MYO1D: variants seen among roughly 807,000 people sequenced by gnomAD.
The protein encoded by MYO1D is myosin ID.
MYO1D carries 83 observed loss-of-function variants against 122.0 expected under a neutral mutation model. The ratio of observed to expected loss-of-function variants is 0.68; its 90% CI spans 0.57 to 0.82. The LOEUF is 0.82. Among genes scored for constraint, MYO1D ranks in the 40% least tolerant of loss-of-function variants. The pLI, the probability that MYO1D is intolerant of heterozygous loss-of-function variation, is 0.00. For synonymous variants in MYO1D, 464 were observed against 446.9 expected (o/e 1.04, Z -0.48); for missense variants, 1,157 against 1,269.5 (o/e 0.91, Z 1.35).
At chr17:32,790,362 T>G (rs143382910) in intron 1 of MYO1D, among the ~76,000 whole-genome samples, 1 of 152,276 alleles carries the variant, frequency 6.6e-6, no homozygotes, top group East Asian at 1.9e-4. Context: ...TCATCTAAAT[T>G]CCCCTATCCC....
At position 32,618,621 on chromosome 17, in the gene MYO1D, T is replaced by A. The variant is rs951444597; in HGVS notation, c.2710-13380A>T. 1.2e-4 allele frequency among the ~76,000 whole-genome samples: 17 copies of A among 144,040 alleles called. No individual in the cohort carries two copies. The East Asian group carries it at 3.2e-3, about 27-fold the overall frequency. 94.5% of individuals were successfully genotyped at this position (144,040 alleles called of 152,430 possible). Reference sequence around the variant, plus strand: ...GCTGGGCCTCCCATAGCTGCCTCTGTTAATTAATTAATTAATTCTTTTTTT... The same window carrying A: ...GCTGGGCCTCCCATAGCTGCCTCTGATAATTAATTAATTAATTCTTTTTTT... On this transcript the variant is annotated intron_variant, in intron 20 of 21. Coordinates refer to ENST00000318217, the MANE Select transcript of MYO1D (RefSeq NM_015194.3).
At chr17:32,667,905 C>T (rs555559437) in intron 16 of MYO1D, among the ~76,000 whole-genome samples, 18 of 152,296 alleles carry the variant, frequency 1.2e-4, no homozygotes, top group African/African-American at 4.1e-4. Flanking sequence ...ACTGTAACTT[C>T]AAGAAGTAAT....
chr17:32,703,242 A>G (rs2089269099), intron 16 of MYO1D, among the ~76,000 whole-genome samples: 1 of 152,152 alleles, frequency 6.6e-6, no homozygotes, highest in South Asian at 2.1e-4. Context: ...TGCCCTTTAA[A>G]AAAGGCCAAA....
rs184218824 is a variant in MYO1D, at chr17:32,875,451, G to A, written c.95+1327C>T. ...AGGACAACCCCAATCCTACAGACGGGAAGACTGAGGCACAGAGAGGTTAAG... is the reference window on the plus strand; with the variant it reads ...AGGACAACCCCAATCCTACAGACGGAAAGACTGAGGCACAGAGAGGTTAAG... On this transcript the variant is annotated intron_variant, in intron 1 of 21. Transcript: ENST00000318217. Among the ~76,000 whole-genome samples, 4 of 152,248 alleles carry A rather than the reference G, an allele frequency of 2.6e-5. No individual in the cohort carries two copies. The East Asian group carries it at 7.7e-4, about 29-fold the overall frequency.
intron 1 of MYO1D, among the ~76,000 whole-genome samples, chr17:32,793,966 A>G (rs1056399706): frequency 1.3e-5 from 2 of 152,268 alleles, no homozygotes; most frequent in African/African-American, 4.8e-5. Flanking sequence ...ATTATGAGCA[A>G]TAGCAGAAGT....
chr17:32,767,969 G>A (rs1450378967), intron 6 of MYO1D, among the ~76,000 whole-genome samples: 4 of 152,212 alleles, frequency 2.6e-5, no homozygotes, highest in African/African-American at 9.7e-5. Flanking sequence ...CCTAAAATAA[G>A]CACTGTGCCG....
intron 1 of MYO1D, among the ~76,000 whole-genome samples, chr17:32,799,823 T>C (rs978526029): frequency 7.2e-5 from 11 of 152,086 alleles, no homozygotes; most frequent in African/African-American, 2.4e-4. Flanking sequence ...ATCCATAATA[T>C]ATAAGAAACT....
intron 16 of MYO1D, among the ~76,000 whole-genome samples, chr17:32,665,339 A>T (rs1016314154): frequency 3.9e-5 from 6 of 152,032 alleles, no homozygotes; most frequent in African/African-American, 1.5e-4. Context: ...CTCCCACTAG[A>T]ATTTAAGGGC....
intron 20 of MYO1D, among the ~76,000 whole-genome samples, chr17:32,605,606 T>G (rs1342799733): frequency 2.0e-5 from 3 of 152,074 alleles, no homozygotes; most frequent in African/African-American, 7.2e-5. Context: ...GGATGGTTCT[T>G]TCAGAAGATC....
intron 12 of MYO1D, among the ~76,000 whole-genome samples, chr17:32,747,912 T>C (rs1395072337): frequency 6.6e-6 from 1 of 151,614 alleles, no homozygotes; most frequent in Non-Finnish European, 1.5e-5. Context: ...GCAATGTGAC[T>C]GGAGTGATGC....
At chr17:32,849,719 C>T (rs2090969175) in intron 1 of MYO1D, among the ~76,000 whole-genome samples, 1 of 151,802 alleles carries the variant, frequency 6.6e-6, no homozygotes, top group Middle Eastern at 3.4e-3. Context: ...TGCTAGATGA[C>T]GAGTTAGTGG....
At chr17:32,876,127 C>G (rs2091225991) in intron 1 of MYO1D, among the ~76,000 whole-genome samples, 1 of 152,046 alleles carries the variant, frequency 6.6e-6, no homozygotes, top group Non-Finnish European at 1.5e-5. Flanking sequence ...TATCTTGGCA[C>G]TGGCAAGTAC....
At chr17:32,758,517 T>C (rs973209128) in intron 10 of MYO1D, among the ~76,000 whole-genome samples, 7 of 152,194 alleles carry the variant, frequency 4.6e-5, no homozygotes, top group Admixed American at 3.3e-4. Flanking sequence ...ATTTACTGAA[T>C]AGATACCCAA....
chr17:32,735,339 T>C (rs938045451), intron 14 of MYO1D, among the ~76,000 whole-genome samples: 2 of 151,982 alleles, frequency 1.3e-5, no homozygotes, highest in African/African-American at 4.8e-5. Flanking sequence ...CAGGCCACCA[T>C]GCCCAGCTAA....
chr17:32,827,085 C>A (rs7209333), intron 1 of MYO1D, among the ~76,000 whole-genome samples: 61,380 of 151,732 alleles, frequency 0.4, 12,790 homozygotes, highest in East Asian at 0.53. Context: ...TTTATTTGCA[C>A]ACTAATGTTC....
At chr17:32,841,747 G>A (rs1255371007) in intron 1 of MYO1D, among the ~76,000 whole-genome samples, 1 of 151,660 alleles carries the variant, frequency 6.6e-6, no homozygotes, top group African/African-American at 2.4e-5. Flanking sequence ...GCCTAATAGA[G>A]GAGGATAAGC....
chr17:32,555,700 A>G (rs976241208), intron 21 of MYO1D, among the ~76,000 whole-genome samples: 4 of 152,034 alleles, frequency 2.6e-5, no homozygotes, highest in African/African-American at 9.7e-5. Context: ...ATCCACCAAC[A>G]CCCATGCCAT....
At chr17:32,699,816 TA>T (rs1442089196) in intron 16 of MYO1D, among the ~76,000 whole-genome samples, 2 of 152,320 alleles carry the variant, frequency 1.3e-5, no homozygotes, top group Non-Finnish European at 2.9e-5. Context: ...TTTTTGTGAA[TA>T]TTTGCAATTT....
chr17:32,761,150 C>A (rs1243429423), intron 8 of MYO1D, among the ~76,000 whole-genome samples: 1 of 152,212 alleles, frequency 6.6e-6, no homozygotes, highest in African/African-American at 2.4e-5. Context: ...CTAAGCCACA[C>A]ATGGACAAAG....
Sources: allele counts gnomAD v4.1 joint callset (sites outside exome capture counted in the v4.1 genomes callset), GRCh38; gene constraint gnomAD v4.1.1; transcripts MANE v1.5; gene names NCBI Gene and HGNC (gene_info 2026-07-23, HGNC 2026-07-21).